DEUP1: variants seen among roughly 807,000 people sequenced by gnomAD.
DEUP1 encodes deuterosome assembly protein 1.
Under a neutral mutation model 87.4 loss-of-function variants are expected in DEUP1, and 82 were observed. The ratio of observed to expected loss-of-function variants is 0.94; its 90% CI spans 0.78 to 1.13. The LOEUF is 1.13. DEUP1 is among the 50% of genes most tolerant of loss of function. The pLI is 0.00. For missense variants in DEUP1, 663 were observed against 681.5 expected, an observed-to-expected ratio of 0.97 and a Z score of 0.30; for synonymous variants, 214 against 222.7, an observed-to-expected ratio of 0.96 and a Z score of 0.35.
chr11:93,435,070 C>T (rs992499984), intron 13 of DEUP1, among the ~76,000 whole-genome samples: 1 of 152,182 alleles, frequency 6.6e-6, no homozygotes, highest in Non-Finnish European at 1.5e-5. Context: ...AGCAGGGTCT[C>T]TCTCATGTCT....
intron 7 of DEUP1, among the ~76,000 whole-genome samples, chr11:93,382,271 T>A (rs1565322843): frequency 6.6e-6 from 1 of 152,198 alleles, no homozygotes; most frequent in Non-Finnish European, 1.5e-5. Context: ...AAAAACAATT[T>A]TAGATTTATC....
intron 1 of DEUP1, among the ~76,000 whole-genome samples, chr11:93,331,743 C>A (rs1398152298): frequency 2.6e-5 from 4 of 152,148 alleles, no homozygotes; most frequent in Non-Finnish European, 4.4e-5. Flanking sequence ...CCACATATTT[C>A]AATAAATCAC....
rs199643371 is a variant in DEUP1 at position 93,385,476 on chromosome 11, C to T, written c.868C>T (p.Arg290Ter). 2.9e-5 allele frequency: 46 copies of T among 1,611,194 alleles called. No homozygotes were observed. The East Asian group carries it at 4.9e-4, about 17-fold the overall frequency. The part of the protein sequence containing the change: ...DDLLRIIEME[R>*]LQLHRELLKI... ...TCTCTTGAGAATTATAGAAATGGAA[C>T]GATTGCAATTACACAGAGAATTATT... Residue 290 changes from arginine (R) to a stop codon, truncating the protein, a stop_gained, in exon 8 of 14, where the codon CGA (arginine) becomes TGA (stop). Coordinates refer to ENST00000298050, the MANE Select transcript of DEUP1 (RefSeq NM_181645.4). LOFTEE classifies it high-confidence loss of function.
intron 2 of DEUP1, among the ~76,000 whole-genome samples, chr11:93,351,884 T>A (rs1332920702): frequency 6.6e-6 from 1 of 152,234 alleles, no homozygotes; most frequent in Admixed American, 6.5e-5. Context: ...ATTCTGGAAA[T>A]TCTAAATTCT....
Position 93,332,307 on chromosome 11 carries a change from C to T in DEUP1, c.29+19C>T, listed in dbSNP as rs578106265. 32 of 1,600,242 alleles carry T rather than the reference C, an allele frequency of 2.0e-5. No homozygotes were observed. In the South Asian group the frequency reaches 3.5e-4, roughly 18 times the overall value. On this transcript the variant is annotated intron_variant, in intron 2 of 13. Transcript: ENST00000298050. ...CGATGGGGTAAGTGCTGAGAAATTT[C>T]TGTTTAATAAGTATGTGCTTAACTG...
intron 12 of DEUP1, among the ~76,000 whole-genome samples, chr11:93,408,952 G>A (rs1213387065): frequency 1.3e-5 from 2 of 151,732 alleles, no homozygotes; most frequent in African/African-American, 4.8e-5. Flanking sequence ...TGCCTCCTGG[G>A]TTCAAGTAAT....
chr11:93,353,549 C>A (rs1944737881), intron 2 of DEUP1, among the ~76,000 whole-genome samples: 1 of 152,236 alleles, frequency 6.6e-6, no homozygotes, highest in Non-Finnish European at 1.5e-5. Flanking sequence ...TTCTGCCCTG[C>A]CCTAGCAGAG....
At chr11:93,348,037 G>A (rs1591101186) in intron 2 of DEUP1, among the ~76,000 whole-genome samples, 1 of 152,264 alleles carries the variant, frequency 6.6e-6, no homozygotes, top group East Asian at 1.9e-4. Flanking sequence ...ACCGCACCCG[G>A]CCCAGAGATT....
At chr11:93,392,687 C>A (rs140421206) in intron 9 of DEUP1, among the ~76,000 whole-genome samples, 19 of 150,670 alleles carry the variant, frequency 1.3e-4, no homozygotes, top group African/African-American at 4.4e-4. Context: ...AAAGAGAGAG[C>A]CTTGTTCTTT....
At chr11:93,430,073 A>T (rs1053598577) in intron 13 of DEUP1, among the ~76,000 whole-genome samples, 1 of 152,010 alleles carries the variant, frequency 6.6e-6, no homozygotes, top group Non-Finnish European at 1.5e-5. Flanking sequence ...TTTCTTTCTT[A>T]ATCTTGTTGT....
intron 1 of DEUP1, 49 bp from the exon 2 acceptor site, chr11:93,332,167 T>C: frequency 7.8e-7 from 1 of 1,282,108 alleles, no homozygotes; most frequent in Non-Finnish European, 1.1e-6. Context: ...GTTTTATAGG[T>C]TAAAGAATAT....
chr11:93,352,653 C>A (rs770218568), intron 2 of DEUP1: 11 of 550,620 alleles, frequency 2.0e-5, no homozygotes, highest in Non-Finnish European at 3.5e-5. Context: ...ATTGAACTTA[C>A]AGTTCTACAT....
At chr11:93,334,267 A>T (rs912978441) in intron 2 of DEUP1, among the ~76,000 whole-genome samples, 6 of 152,168 alleles carry the variant, frequency 3.9e-5, no homozygotes, top group Non-Finnish European at 8.8e-5. Flanking sequence ...ATCATCAGGG[A>T]CTTGTTATGT....
At position 93,437,661 on chromosome 11, in the gene DEUP1, GAC is replaced by G; in HGVS notation, c.1763_1764del (p.Thr588ArgfsTer5). ...AATACACATATTGATGAACTGCAAA[GAC>G]ACACAGAATTTACTCTTAATAAATA... On this transcript the variant is annotated frameshift_variant, in exon 14 of 14. Transcript: ENST00000298050. LOFTEE classifies it high-confidence loss of function. 1 of 1,608,772 alleles carries G rather than the reference GAC, an allele frequency of 6.2e-7. No homozygotes were observed. Among genetic ancestry groups the G allele is most frequent in the Non-Finnish European group, 8.5e-7 (1 of 1,175,796 alleles).
intron 8 of DEUP1, 111 bp downstream of exon 8, chr11:93,385,654 A>G (rs754313573): frequency 1.3e-6 from 1 of 752,348 alleles, no homozygotes; most frequent in Non-Finnish European, 2.0e-6. Flanking sequence ...TTGTATTAAC[A>G]TGTTAATTAG....
At chr11:93,366,943 T>C (rs1945448442) in intron 5 of DEUP1, among the ~76,000 whole-genome samples, 1 of 152,218 alleles carries the variant, frequency 6.6e-6, no homozygotes, top group Admixed American at 6.5e-5. Flanking sequence ...CTAGATTGCA[T>C]TAATTTGAAA....
intron 11 of DEUP1, among the ~76,000 whole-genome samples, chr11:93,401,647 T>G (rs1947122302): frequency 6.6e-6 from 1 of 151,932 alleles, no homozygotes; most frequent in Non-Finnish European, 1.5e-5. Flanking sequence ...CCAATGCATT[T>G]ACAGCCAATT....
intron 12 of DEUP1, among the ~76,000 whole-genome samples, chr11:93,408,629 T>TA (rs1371965920): frequency 6.6e-6 from 1 of 152,172 alleles, no homozygotes; most frequent in Non-Finnish European, 1.5e-5. Context: ...CGTGGAGTGT[T>TA]ACAGTGGATT....
chr11:93,408,104 C>G (rs1947334426), intron 11 of DEUP1, 127 bp from the exon 12 acceptor site: 2 of 635,478 alleles, frequency 3.1e-6, no homozygotes, highest in Non-Finnish European at 5.2e-6. Context: ...AGAAAGTGAG[C>G]AAGAGTACAG....
Sources: allele counts gnomAD v4.1 joint callset (sites outside exome capture counted in the v4.1 genomes callset), GRCh38; gene constraint gnomAD v4.1.1; transcripts MANE v1.5; gene names NCBI Gene and HGNC (gene_info 2026-07-23, HGNC 2026-07-21).